Variants in GALNT1 observed in about 807,000 individuals in gnomAD.
The protein encoded by GALNT1 is GalNAc transferase 1.
A neutral mutation model predicts 65.7 loss-of-function variants in GALNT1; 17 were observed. That is an observed-to-expected ratio of 0.26 (90% CI 0.18 to 0.39). The LOEUF is 0.39. Ranked by LOEUF, GALNT1 falls within the 10% of genes least tolerant of loss-of-function variation. GALNT1 has a pLI of 1.00. For missense variants in GALNT1, 460 were observed against 672.8 expected (o/e 0.68, Z 3.50); for synonymous variants, 210 against 219.7 (o/e 0.96, Z 0.39).
In GALNT1 at chr18:35,663,656, A is replaced by T. The variant is rs1377477734; in HGVS notation, c.168A>T (p.Glu56Asp). 1.9e-6 allele frequency: 3 copies of T among 1,613,578 alleles called. No homozygotes were observed. Among genetic ancestry groups the T allele is most frequent in the Non-Finnish European group, 2.5e-6 (3 of 1,179,816 alleles). The change falls in exon 3 of 12, where the codon GAA (glutamate) becomes GAT (aspartate). Residue 56 changes from glutamate to aspartate, a missense_variant. By Grantham distance (45) the Glu-to-Asp change is conservative (BLOSUM62 2). Coordinates refer to ENST00000269195, the MANE Select transcript of GALNT1 (RefSeq NM_020474.4). The part of the protein sequence containing the change: ...DVLEPVQKPH[E>D]GPGEMGKPVV... ...TAGAGCCAGTACAAAAGCCTCATGA[A>T]GGTCCTGGAGAAATGGGGAAACCAG...
At chr18:35,653,801 G>C (rs1202357889) in intron 1 of GALNT1, among the ~76,000 whole-genome samples, 2 of 152,324 alleles carry the variant, frequency 1.3e-5, no homozygotes, top group Non-Finnish European at 2.9e-5. Context: ...GGAGGTAGTA[G>C]GGTGGGAAAT....
At chr18:35,653,664 G>C (rs745403574) in intron 1 of GALNT1, among the ~76,000 whole-genome samples, 1 of 152,186 alleles carries the variant, frequency 6.6e-6, no homozygotes, top group Non-Finnish European at 1.5e-5. Context: ...CTCTCAGGCT[G>C]CTTCATCATG....
rs2048330752 is a variant in GALNT1 at position 35,710,128 on chromosome 18, C to G, written c.*358C>G. On this transcript the variant is annotated 3_prime_UTR_variant, in exon 12 of 12. Coordinates refer to ENST00000269195, the MANE Select transcript of GALNT1 (RefSeq NM_020474.4). ...TGGTTTGCTTGCACATCAGTAGTTT[C>G]TGCTGAACGTGCTGTCATAATGAAG... The G allele has an allele frequency of 1.2e-5, 2 of 173,692 alleles. No individual in the cohort carries two copies. Among genetic ancestry groups the G allele is most frequent in the South Asian group, 3.3e-4 (2 of 6,088 alleles). The allele number at this position is 173,692 out of a possible 1,614,324, so 10.8% of individuals were successfully genotyped here. A position where few individuals can be genotyped will look rare whatever the true frequency, so the allele number is the denominator to read the frequency against.
intron 9 of GALNT1, among the ~76,000 whole-genome samples, chr18:35,699,183 A>G (rs1487712306): frequency 1.3e-5 from 2 of 152,130 alleles, no homozygotes; most frequent in African/African-American, 4.8e-5. Context: ...ACTCTGAAAT[A>G]ATTTGGAATT....
chr18:35,623,176 G>A (rs141699155), intron 1 of GALNT1, among the ~76,000 whole-genome samples: 15 of 152,194 alleles, frequency 9.9e-5, no homozygotes, highest in Non-Finnish European at 1.9e-4. Flanking sequence ...ACAGATCTGA[G>A]TTTCCATCTG....
At chr18:35,627,254 C>T (rs76921006) in intron 1 of GALNT1, among the ~76,000 whole-genome samples, 4 of 152,118 alleles carry the variant, frequency 2.6e-5, no homozygotes, top group East Asian at 3.8e-4. Context: ...TAGACATTAA[C>T]GGAACACATT....
At chr18:35,619,426 CT>C (rs1430114200) in intron 1 of GALNT1, among the ~76,000 whole-genome samples, 1 of 152,162 alleles carries the variant, frequency 6.6e-6, no homozygotes, top group African/African-American at 2.4e-5. Flanking sequence ...AGAATTTCAT[CT>C]AAGGGTACTA....
intron 1 of GALNT1, among the ~76,000 whole-genome samples, chr18:35,624,072 T>A (rs2046887984): frequency 6.6e-6 from 1 of 152,210 alleles, no homozygotes; most frequent in Admixed American, 6.5e-5. Flanking sequence ...CTCCCTGGCA[T>A]TGGGCAACAT....
chr18:35,709,535 C>T, intron 11 of GALNT1, 89 bp from the exon 12 acceptor site: 1 of 1,408,226 alleles, frequency 7.1e-7, no homozygotes. Flanking sequence ...AAAAAAACAC[C>T]TTTTCTGCAG....
intron 3 of GALNT1, among the ~76,000 whole-genome samples, chr18:35,677,221 C>T (rs1435758196): frequency 3.9e-5 from 6 of 152,196 alleles, no homozygotes; most frequent in Non-Finnish European, 8.8e-5. Flanking sequence ...GATTATTAAA[C>T]TACGTAAACT....
At chr18:35,617,077 G>GCAC (rs996683733) in intron 1 of GALNT1, among the ~76,000 whole-genome samples, 14 of 152,146 alleles carry the variant, frequency 9.2e-5, no homozygotes, top group Non-Finnish European at 1.8e-4. Context: ...TGTAATGCAA[G>GCAC]CGGCGCATTG....
intron 1 of GALNT1, among the ~76,000 whole-genome samples, chr18:35,614,339 T>TA (rs920512677): frequency 2.6e-5 from 4 of 152,034 alleles, no homozygotes; most frequent in African/African-American, 7.2e-5. Flanking sequence ...AGTTTAAAGT[T>TA]AAAAAAACCA....
chr18:35,667,322 C>T (rs2047563749), intron 3 of GALNT1, among the ~76,000 whole-genome samples: 3 of 152,112 alleles, frequency 2.0e-5, no homozygotes, highest in Admixed American at 6.5e-5. Context: ...AGCCCTATGT[C>T]GACACCCGTG....
rs2047952762 is a variant in GALNT1, at chr18:35,691,021, T to C, written c.988T>C (p.Cys330Arg). ...NLEISFRIWQ[C>R]GGTLEIVTCS... Reference sequence around the variant, plus strand: ...TCTCTGCTGTTTTCAGATTTGGCAGTGTGGAGGAACTTTGGAAATTGTTAC... The same window carrying C: ...TCTCTGCTGTTTTCAGATTTGGCAGCGTGGAGGAACTTTGGAAATTGTTAC... Residue 330 changes from cysteine (C) to arginine (R), a missense_variant, in exon 8 of 12, where the codon TGT becomes CGT. Transcript: ENST00000269195. 1 of 1,598,478 alleles carries C rather than the reference T, an allele frequency of 6.3e-7. No individual in the cohort carries two copies. Among genetic ancestry groups the C allele is most frequent in the African/African-American group, 1.3e-5 (1 of 74,098 alleles).
At chr18:35,593,607 T>C (rs2046470851) in intron 1 of GALNT1, among the ~76,000 whole-genome samples, 1 of 151,848 alleles carries the variant, frequency 6.6e-6, no homozygotes, top group African/African-American at 2.4e-5. Context: ...AAGCACCCCA[T>C]TGCAAGAGGG....
chr18:35,703,652 T>C lies in GALNT1; in HGVS notation c.1533+9T>C, dbSNP rs746447303. On this transcript the variant is annotated intron_variant, in intron 11 of 11. Transcript: ENST00000269195. ...GGGAGTATGACCCAGTGGTAAGTTA[T>C]GCAGTTGCCTATAGTAATAAAATTA... 14 of 1,613,388 alleles carry C rather than the reference T, an allele frequency of 8.7e-6. No homozygotes were observed. Among genetic ancestry groups the C allele is most frequent in the Non-Finnish European group, 8.5e-6 (10 of 1,179,720 alleles).
intron 9 of GALNT1, among the ~76,000 whole-genome samples, chr18:35,699,002 A>G (rs1177138217): frequency 6.6e-6 from 1 of 151,974 alleles, no homozygotes; most frequent in East Asian, 1.9e-4. Context: ...TAAATAAAAT[A>G]AAATAAGCCA....
At chr18:35,623,133 ATTTACCG>A (rs2046876327) in intron 1 of GALNT1, among the ~76,000 whole-genome samples, 1 of 152,098 alleles carries the variant, frequency 6.6e-6, no homozygotes, top group Admixed American at 6.6e-5. Context: ...TTATTCATAT[ATTTACCG>A]TTTCTGGTGT....
At position 35,703,526 on chromosome 18, in the gene GALNT1, C is replaced by T; in HGVS notation, c.1416C>T (p.Ala472=). The T allele has an allele frequency of 6.2e-7, 1 of 1,613,314 alleles. No homozygotes were observed. The highest frequency in any genetic ancestry group is 8.5e-7 in the Non-Finnish European group (1 of 1,179,678). The change falls in exon 11 of 12, where the codon GCC becomes GCT. Residue 472 remains alanine, a synonymous_variant. Transcript: ENST00000269195. ...MGGNQVFSYT[A]NKEIRTDDLC... ...ATTTCCAGGTTTTCTCTTATACTGC[C>T]AACAAAGAAATTAGAACAGATGACC... is the stretch of plus-strand genomic sequence containing the variant.
Sources: allele counts gnomAD v4.1 joint callset (sites outside exome capture counted in the v4.1 genomes callset), GRCh38; gene constraint gnomAD v4.1.1; transcripts MANE v1.5; gene names NCBI Gene and HGNC (gene_info 2026-07-23, HGNC 2026-07-21).